CFAP52: variants seen among roughly 807,000 people sequenced by gnomAD.
CFAP52 encodes the protein cilia- and flagella-associated protein 52.
CFAP52 carries 57 observed loss-of-function variants against 70.5 expected under a neutral mutation model. The observed-to-expected ratio is 0.81, with a 90% CI of 0.65 to 1.01. The LOEUF is 1.01. Ranked by LOEUF, CFAP52 falls within the 50% of genes least tolerant of loss-of-function variation. The pLI is 0.00. For missense variants in CFAP52, 785 were observed against 788.5 expected (o/e 1.00, Z 0.05); for synonymous variants, 267 against 292.5 (o/e 0.91, Z 0.89).
chr17:9,627,112 CTTT>C (rs201487824), intron 8 of CFAP52, among the ~76,000 whole-genome samples: 3 of 137,702 alleles, frequency 2.2e-5, no homozygotes, highest in Non-Finnish European at 1.6e-5. Context: ...TAGAGGTTGC[CTTT>C]TTTTTTTTTT....
At chr17:9,609,165 G>A (rs758495776) in intron 7 of CFAP52, among the ~76,000 whole-genome samples, 3 of 151,990 alleles carry the variant, frequency 2.0e-5, no homozygotes, top group Non-Finnish European at 4.4e-5. Flanking sequence ...CAAGAAATCT[G>A]TGTTGAACAT....
rs374893195 is a variant in CFAP52, at chr17:9,578,306, C to T, written c.70+1541C>T. ...AAGGCCTTTTCAGGACATGACGGCA[C>T]GTTAAGTGGGAAGCCTCAGTAAACT... is the stretch of plus-strand genomic sequence containing the variant. On this transcript the variant is annotated intron_variant, in intron 1 of 13. Transcript: ENST00000352665. 5.3e-5 allele frequency among the ~76,000 whole-genome samples: 8 copies of T among 152,182 alleles called. No individual in the cohort carries two copies. The East Asian group carries it at 9.7e-4, about 18-fold the overall frequency.
intron 9 of CFAP52, among the ~76,000 whole-genome samples, chr17:9,630,941 G>A (rs1004861095): frequency 6.8e-5 from 10 of 146,718 alleles, no homozygotes; most frequent in African/African-American, 2.0e-4. Flanking sequence ...AGCCAAGATC[G>A]CACCACTGCA....
At chr17:9,612,061 A>G (rs1039561381) in intron 7 of CFAP52, among the ~76,000 whole-genome samples, 1 of 152,162 alleles carries the variant, frequency 6.6e-6, no homozygotes, top group African/African-American at 2.4e-5. Context: ...CCTGCATTGC[A>G]CAACCCATGT....
chr17:9,583,477 T>A lies in CFAP52; in HGVS notation c.71-2296T>A, dbSNP rs1451038042. Among the ~76,000 whole-genome samples, 5 of 151,940 alleles carry A rather than the reference T, an allele frequency of 3.3e-5. 1 individual carries two copies. The highest frequency in any genetic ancestry group is 3.3e-4 in the Admixed American group (5 of 15,244). The stretch of plus-strand genomic sequence containing the variant: ...GGAGAAGGAGATAGCAACAAAAAAG[T>A]TTTTTAAAAACCCAAGAATAAATGT... On this transcript the variant is annotated intron_variant, in intron 1 of 13. Transcript: ENST00000352665.
intron 1 of CFAP52, among the ~76,000 whole-genome samples, chr17:9,577,680 A>C (rs983449967): frequency 2.0e-5 from 3 of 152,224 alleles, no homozygotes; most frequent in Admixed American, 1.3e-4. Context: ...TGCTTTATAC[A>C]TTTCGGATAT....
At chr17:9,599,843 G>A (rs868415975) in intron 5 of CFAP52, among the ~76,000 whole-genome samples, 10 of 152,114 alleles carry the variant, frequency 6.6e-5, no homozygotes, top group Middle Eastern at 3.4e-3. Flanking sequence ...CTGAGTTCAA[G>A]CGATTCTCCT....
chr17:9,624,911 T>G (rs1458009002), intron 8 of CFAP52, among the ~76,000 whole-genome samples: 1 of 152,206 alleles, frequency 6.6e-6, no homozygotes, highest in Non-Finnish European at 1.5e-5. Context: ...TGGGTTCTTC[T>G]GTGTGCTTGC....
chr17:9,605,129 G>A (rs564218151), intron 6 of CFAP52, among the ~76,000 whole-genome samples: 3 of 152,262 alleles, frequency 2.0e-5, no homozygotes, highest in Non-Finnish European at 4.4e-5. Context: ...ATGTTCACAC[G>A]AGAACCTGCA....
intron 1 of CFAP52, among the ~76,000 whole-genome samples, chr17:9,577,746 G>A (rs145293486): frequency 5.3e-5 from 8 of 152,318 alleles, no homozygotes; most frequent in African/African-American, 1.9e-4. Flanking sequence ...GCAGCCTACA[G>A]TGGGTTGCAT....
chr17:9,584,911 C>T (rs1441629252), intron 1 of CFAP52, among the ~76,000 whole-genome samples: 5 of 152,116 alleles, frequency 3.3e-5, no homozygotes, highest in Non-Finnish European at 5.9e-5. Flanking sequence ...GGTGAGCAAC[C>T]GTGCCTGGCC....
intron 7 of CFAP52, chr17:9,610,187 A>G (rs2151941219): frequency 6.6e-6 from 1 of 152,306 alleles, no homozygotes; most frequent in East Asian, 1.9e-4. Flanking sequence ...TACAAGATGC[A>G]AGAAATAAAA....
intron 3 of CFAP52, among the ~76,000 whole-genome samples, chr17:9,588,628 A>G (rs1478664615): frequency 2.0e-5 from 3 of 152,122 alleles, no homozygotes; most frequent in Non-Finnish European, 2.9e-5. Context: ...CAGCATCCAT[A>G]TCTTGTTTCA....
chr17:9,581,741 A>C (rs184834287), intron 1 of CFAP52, among the ~76,000 whole-genome samples: 236 of 152,310 alleles, frequency 1.5e-3, no homozygotes, highest in African/African-American at 5.5e-3. Flanking sequence ...AGCTGGTTCT[A>C]TTGCTTTAGT....
intron 3 of CFAP52, 97 bp downstream of exon 3, chr17:9,586,931 T>C: frequency 7.4e-7 from 1 of 1,356,852 alleles, no homozygotes; most frequent in Non-Finnish European, 9.8e-7. Context: ...TAGGTAAACT[T>C]ATGTCACGGG....
intron 1 of CFAP52, among the ~76,000 whole-genome samples, chr17:9,577,347 C>T (rs920867483): frequency 1.3e-5 from 2 of 152,094 alleles, no homozygotes; most frequent in African/African-American, 4.8e-5. Flanking sequence ...AAGGGGACGC[C>T]AGGGGGAGCT....
intron 3 of CFAP52, among the ~76,000 whole-genome samples, chr17:9,590,956 T>G (rs1351516980): frequency 6.6e-6 from 1 of 151,134 alleles, no homozygotes; most frequent in Non-Finnish European, 1.5e-5. Flanking sequence ...CCAACCCATC[T>G]AGCTTCTACA....
At chr17:9,600,596 G>A (rs780315362) in intron 6 of CFAP52, among the ~76,000 whole-genome samples, 2 of 151,866 alleles carry the variant, frequency 1.3e-5, no homozygotes, top group Admixed American at 6.6e-5. Context: ...AAAGAGTCTC[G>A]CTCTGTCGCC....
rs767468275 is a variant in CFAP52, at chr17:9,612,423, A to T, written c.969A>T (p.Lys323Asn). Residue 323 changes from lysine (K) to asparagine (N), a missense_variant, in exon 8 of 14, where the codon AAA (lysine) becomes AAT (asparagine). Coordinates refer to ENST00000352665, the MANE Select transcript of CFAP52 (RefSeq NM_145054.5). The part of the protein sequence containing the change: ...HIYRVSFTDF[K>N]ETLIATCHFD... ...ATCGTGTCAGCTTCACGGATTTCAA[A>T]GAGACGCTCATAGCGACTTGTCACT... 1.5e-5 allele frequency: 24 copies of T among 1,614,108 alleles called. No homozygotes were observed. Among genetic ancestry groups the T allele is most frequent in the Non-Finnish European group, 1.9e-5 (23 of 1,180,050 alleles).
Sources: allele counts gnomAD v4.1 joint callset (sites outside exome capture counted in the v4.1 genomes callset), GRCh38; gene constraint gnomAD v4.1.1; transcripts MANE v1.5; gene names NCBI Gene and HGNC (gene_info 2026-07-23, HGNC 2026-07-21).